PTPRK: variants seen among roughly 807,000 people sequenced by gnomAD.
The protein encoded by PTPRK is receptor-type tyrosine-protein phosphatase kappa.
A neutral mutation model predicts 178.0 loss-of-function variants in PTPRK; 75 were observed. The observed-to-expected ratio is 0.42, with a 90% CI of 0.35 to 0.51. The LOEUF (loss-of-function observed/expected upper bound fraction) is 0.51, where lower values mean the gene tolerates loss of function less well. Ranked by LOEUF, PTPRK falls within the 20% of genes least tolerant of loss-of-function variation. PTPRK has a pLI of 0.02. For missense variants in PTPRK, 1,441 were observed against 1,797.8 expected (o/e 0.80, Z 3.59); for synonymous variants, 637 against 620.6 (o/e 1.03, Z -0.39).
At chr6:128,198,463 G>A (rs1263458365) in intron 6 of PTPRK, among the ~76,000 whole-genome samples, 1 of 152,078 alleles carries the variant, frequency 6.6e-6, no homozygotes, top group Non-Finnish European at 1.5e-5. Flanking sequence ...TATACACCAT[G>A]GCCTGTTGTG....
chr6:128,081,455 C>A (rs971606505), intron 10 of PTPRK, among the ~76,000 whole-genome samples: 8 of 151,848 alleles, frequency 5.3e-5, no homozygotes, highest in African/African-American at 1.7e-4. Context: ...ACATTTTAGA[C>A]TCAAAATAAT....
intron 21 of PTPRK, 33 bp downstream of exon 21, chr6:127,990,736 T>A: frequency 1.4e-6 from 2 of 1,416,784 alleles, no homozygotes; most frequent in Non-Finnish European, 9.9e-7. Flanking sequence ...AGTTTTGATA[T>A]CACTTTTTAA....
chr6:128,084,240 CA>C, intron 8 of PTPRK, among the ~76,000 whole-genome samples: 1 of 152,150 alleles, frequency 6.6e-6, no homozygotes, highest in South Asian at 2.1e-4. Context: ...TCTCCATAAA[CA>C]AAGTTGATAA....
chr6:128,387,312 G>T (rs985630156), intron 2 of PTPRK, among the ~76,000 whole-genome samples: 2 of 152,138 alleles, frequency 1.3e-5, no homozygotes, highest in African/African-American at 4.8e-5. Flanking sequence ...TTACAACTCT[G>T]TGAGAAAAGA....
At chr6:128,516,616 T>C (rs370934320) in intron 1 of PTPRK, among the ~76,000 whole-genome samples, 1 of 152,216 alleles carries the variant, frequency 6.6e-6, no homozygotes, top group African/African-American at 2.4e-5. Flanking sequence ...AGTCAGATAC[T>C]GCTCAGGTGC....
intron 1 of PTPRK, among the ~76,000 whole-genome samples, chr6:128,410,337 C>T (rs145090714): frequency 2.1e-4 from 32 of 152,240 alleles, no homozygotes; most frequent in Admixed American, 5.9e-4. Context: ...ACCCACAAAA[C>T]GAGAATCATC....
intron 1 of PTPRK, among the ~76,000 whole-genome samples, chr6:128,483,382 G>T (rs1256992927): frequency 6.6e-6 from 1 of 151,854 alleles, no homozygotes; most frequent in Admixed American, 6.6e-5. Context: ...CTGCTACTTT[G>T]TGTGTTTAAA....
rs566435427 is a variant in PTPRK at position 128,003,960 on chromosome 6, TG to T, written c.2494+1123del. On this transcript the variant is annotated intron_variant, in intron 15 of 29. Transcript: ENST00000368226. ...GTATACATATATACATAGAAAATGATGGGCTTCATTTTAGATCCAATAGTTA... is the reference window on the plus strand; with the variant it reads ...GTATACATATATACATAGAAAATGATGGCTTCATTTTAGATCCAATAGTTA... Among the ~76,000 whole-genome samples the T allele has an allele frequency of 9.2e-5, 14 of 152,018 alleles. No homozygotes were observed. The South Asian group carries it at 2.9e-3, about 32-fold the overall frequency.
chr6:127,981,385 G>T, intron 24 of PTPRK, 96 bp from the exon 25 acceptor site: 3 of 1,136,150 alleles, frequency 2.6e-6, no homozygotes, highest in Non-Finnish European at 3.7e-6. Flanking sequence ...AGTAGAAAGT[G>T]AAGGATTTGT....
At chr6:128,139,823 T>C (rs150639623) in intron 7 of PTPRK, among the ~76,000 whole-genome samples, 17 of 152,196 alleles carry the variant, frequency 1.1e-4, no homozygotes, top group Admixed American at 2.0e-4. Context: ...TGTCAGATAC[T>C]AATAACTTGG....
At position 127,970,061 on chromosome 6, in the gene PTPRK, A is replaced by C; in HGVS notation, c.*166T>G. On this transcript the variant is annotated 3_prime_UTR_variant, in exon 30 of 30. Coordinates refer to ENST00000368226, the MANE Select transcript of PTPRK (RefSeq NM_002844.4). ...AATAAAAACTAATTCAGTCCTTTTT[A>C]TTAAGATACACAACTTCATAAAAAA... 1 of 502,690 alleles carries C rather than the reference A, an allele frequency of 2.0e-6. No homozygotes were observed. The highest frequency in any genetic ancestry group is 3.5e-6 in the Non-Finnish European group (1 of 285,442). The allele number at this position is 502,690 out of a possible 1,614,324, so 31.1% of individuals were successfully genotyped here.
chr6:128,101,916 G>A (rs770303881), intron 7 of PTPRK, among the ~76,000 whole-genome samples: 3 of 152,110 alleles, frequency 2.0e-5, no homozygotes, highest in African/African-American at 2.4e-5. Context: ...TATTCTTTCA[G>A]TGACAGCTTG....
intron 18 of PTPRK, among the ~76,000 whole-genome samples, chr6:127,994,769 G>A (rs1776958133): frequency 2.0e-5 from 3 of 151,810 alleles, no homozygotes; most frequent in Admixed American, 6.6e-5. Context: ...TGTGTGATAT[G>A]TGTATTTTAC....
chr6:128,297,076 T>G (rs1365632806), intron 3 of PTPRK, among the ~76,000 whole-genome samples: 2 of 151,370 alleles, frequency 1.3e-5, no homozygotes, highest in African/African-American at 2.5e-5. Context: ...GTTGCAATCC[T>G]AGTCTCGGAT....
chr6:128,403,180 C>G (rs1244059048), intron 1 of PTPRK, among the ~76,000 whole-genome samples: 3 of 152,176 alleles, frequency 2.0e-5, no homozygotes, highest in African/African-American at 7.2e-5. Flanking sequence ...GATTATTTAG[C>G]TAGTAAGACT....
chr6:127,974,048 T>A (rs1400799961), intron 27 of PTPRK, among the ~76,000 whole-genome samples: 1 of 152,204 alleles, frequency 6.6e-6, no homozygotes, highest in South Asian at 2.1e-4. Flanking sequence ...GCACTATGTA[T>A]CCAGTAATTC....
chr6:128,369,139 T>TACATTTATACACTGA (rs1835923499), intron 2 of PTPRK, among the ~76,000 whole-genome samples: 1 of 151,806 alleles, frequency 6.6e-6, no homozygotes, highest in Non-Finnish European at 1.5e-5. Flanking sequence ...GGGAAAGAGG[T>TACATTTATACACTGA]TATTTCCCCA....
intron 6 of PTPRK, among the ~76,000 whole-genome samples, chr6:128,213,079 T>G (rs1808525880): frequency 6.6e-6 from 1 of 152,104 alleles, no homozygotes; most frequent in African/African-American, 2.4e-5. Flanking sequence ...ATACTATCTT[T>G]TTTTTAATAC....
intron 5 of PTPRK, among the ~76,000 whole-genome samples, chr6:128,223,045 T>C (rs1237305627): frequency 6.6e-6 from 1 of 152,138 alleles, no homozygotes; most frequent in African/African-American, 2.4e-5. Context: ...TAAAAACTTA[T>C]TAACTGACTT....
Sources: gnomAD v4.1 joint callset for allele counts (sites outside exome capture counted in the v4.1 genomes callset) on GRCh38, gnomAD v4.1.1 for gene constraint, MANE v1.5 for transcripts, NCBI Gene and HGNC (gene_info 2026-07-23, HGNC 2026-07-21) for gene names.